The following USP34 variants were observed in gnomAD, a reference collection of about 807,000 sequenced individuals.
The protein encoded by USP34 is ubiquitin carboxyl-terminal hydrolase 34.
USP34 carries 70 observed loss-of-function variants against 460.3 expected under a neutral mutation model. The observed-to-expected ratio is 0.15, with a 90% CI of 0.13 to 0.19. The LOEUF is 0.19. Ranked by LOEUF, USP34 falls within the 10% of genes least tolerant of loss-of-function variation. The pLI, the probability that USP34 is intolerant of heterozygous loss-of-function variation, is 1.00. For synonymous variants in USP34, 1,647 were observed against 1,405.3 expected, an observed-to-expected ratio of 1.17 and a Z score of -3.85; for missense variants, 3,985 against 4,236.2, an observed-to-expected ratio of 0.94 and a Z score of 1.65.
intron 10 of USP34, among the ~76,000 whole-genome samples, chr2:61,361,343 G>A (rs987260764): frequency 6.6e-6 from 1 of 152,184 alleles, no homozygotes. Flanking sequence ...GATCACCTCA[G>A]TGCAGGAAGT....
At chr2:61,219,876 T>A (rs946591261) in intron 67 of USP34, among the ~76,000 whole-genome samples, 4 of 152,080 alleles carry the variant, frequency 2.6e-5, no homozygotes, top group African/African-American at 9.7e-5. Context: ...GAAATATTTT[T>A]GATATGTGTC....
At position 61,228,972 on chromosome 2, in the gene USP34, A is replaced by G. The variant is rs771760013; in HGVS notation, c.7223T>C (p.Val2408Ala). The G allele has an allele frequency of 1.0e-5, 16 of 1,599,198 alleles. No homozygotes were observed. The highest frequency in any genetic ancestry group is 1.4e-5 in the Non-Finnish European group (16 of 1,173,024). The change falls in exon 60 of 80, where the codon GTA becomes GCA. Residue 2408 changes from valine to alanine, a missense_variant. This residue lies in a region of USP34 where 604 missense variants were observed against 684.8 expected (regional missense o/e 0.88). Coordinates refer to ENST00000398571, the MANE Select transcript of USP34 (RefSeq NM_014709.4). ...ACATGAACGACCACCAATATCTTCT[A>G]CTGAGGTATCCATATCATCTGACCT... ...EDGSDDMDTS[V>A]EDIGGRSCVT...
intron 1 of USP34, among the ~76,000 whole-genome samples, chr2:61,446,992 T>C (rs1254338532): frequency 6.6e-6 from 1 of 152,048 alleles, no homozygotes; most frequent in Non-Finnish European, 1.5e-5. Flanking sequence ...TGGTGGCTCA[T>C]GCCTGTAATC....
chr2:61,418,149 A>G (rs1056846492), intron 2 of USP34, among the ~76,000 whole-genome samples: 1 of 151,364 alleles, frequency 6.6e-6, no homozygotes, highest in African/African-American at 2.4e-5. Context: ...CACAAATCTC[A>G]GCTCACTGCA....
intron 53 of USP34, among the ~76,000 whole-genome samples, chr2:61,238,509 A>G (rs993724084): frequency 6.6e-6 from 1 of 152,284 alleles, no homozygotes; most frequent in Admixed American, 6.5e-5. Flanking sequence ...ATTACAATTT[A>G]TAATTAGTTT....
intron 5 of USP34, among the ~76,000 whole-genome samples, chr2:61,394,087 C>G (rs929607025): frequency 6.6e-6 from 1 of 152,030 alleles, no homozygotes; most frequent in Non-Finnish European, 1.5e-5. Context: ...CACCACTGCA[C>G]TCCAGCCTGG....
chr2:61,285,255 C>G (rs925290592), intron 34 of USP34, among the ~76,000 whole-genome samples: 1 of 151,892 alleles, frequency 6.6e-6, no homozygotes, highest in Non-Finnish European at 1.5e-5. Context: ...TAGGGAGGCT[C>G]AGGTGGGTGG....
intron 2 of USP34, among the ~76,000 whole-genome samples, chr2:61,419,808 T>C (rs1175431532): frequency 6.6e-6 from 1 of 152,190 alleles, no homozygotes; most frequent in African/African-American, 2.4e-5. Context: ...CATATTAGTA[T>C]TATGCAATAT....
intron 1 of USP34, among the ~76,000 whole-genome samples, chr2:61,443,596 T>C (rs2252662): frequency 0.61 from 92,174 of 151,964 alleles, 28,024 homozygotes; most frequent in Middle Eastern, 0.68. Context: ...ACTGTATGAT[T>C]TCAACTATGT....
intron 5 of USP34, 129 bp downstream of exon 5, chr2:61,394,724 T>C (rs896800188): frequency 1.6e-6 from 1 of 639,766 alleles, no homozygotes; most frequent in African/African-American, 1.9e-5. Flanking sequence ...TCTGTACTCA[T>C]TTTGTCAAAA....
At position 61,236,208 on chromosome 2, in the gene USP34, G is replaced by A; in HGVS notation, c.6871C>T (p.Pro2291Ser). 2.5e-6 allele frequency: 4 copies of A among 1,611,776 alleles called. No homozygotes were observed. Among genetic ancestry groups the A allele is most frequent in the Non-Finnish European group, 3.4e-6 (4 of 1,179,130 alleles). Residue 2291 changes from proline (P) to serine (S), a missense_variant, in exon 55 of 80, where the codon CCC becomes TCC. By Grantham distance (74) the Pro-to-Ser change is moderately conservative. Transcript: ENST00000398571. ...GCTTTAGGATCTGGTAATGTACTGG[G>A]AATACAACTACACAATTGCCACATA... ...GFMWQLCSCI[P>S]STLPDPKAVS...
At chr2:61,384,137 A>G (rs7576805) in intron 5 of USP34, among the ~76,000 whole-genome samples, 2,306 of 152,322 alleles carry the variant, frequency 0.015, 75 homozygotes, top group African/African-American at 0.052. Flanking sequence ...ACTGATTACA[A>G]TATCAACAAG....
intron 27 of USP34, among the ~76,000 whole-genome samples, chr2:61,305,294 G>A (rs1690367728): frequency 6.6e-6 from 1 of 151,790 alleles, no homozygotes; most frequent in African/African-American, 2.4e-5. Context: ...CTGCACTCCA[G>A]CCTGGGCAAC....
chr2:61,217,399 C>T (rs1281790656), intron 67 of USP34, among the ~76,000 whole-genome samples: 1 of 152,028 alleles, frequency 6.6e-6, no homozygotes, highest in Non-Finnish European at 1.5e-5. Flanking sequence ...AGGAGTATTC[C>T]TATGAAGCTT....
At chr2:61,400,890 G>A (rs1238821065) in intron 3 of USP34, among the ~76,000 whole-genome samples, 7 of 151,956 alleles carry the variant, frequency 4.6e-5, no homozygotes, top group Admixed American at 6.6e-5. Flanking sequence ...GGTAGCTTAC[G>A]CCTGTAATCC....
At chr2:61,408,675 C>T (rs981308629) in intron 2 of USP34, among the ~76,000 whole-genome samples, 2 of 151,704 alleles carry the variant, frequency 1.3e-5, no homozygotes, top group African/African-American at 2.4e-5. Context: ...GCAAGCAGAT[C>T]ACTTAAGGTC....
At chr2:61,220,151 T>TAAAAAA (rs60784334) in intron 67 of USP34, 159 bp downstream of exon 67, 34 of 169,428 alleles carry the variant, frequency 2.0e-4, no homozygotes, top group Non-Finnish European at 2.7e-4. Context: ...TTTCCTATCC[T>TAAAAAA]AAAAAAAAAA....
chr2:61,293,266 A>G (rs1224187793), intron 33 of USP34, among the ~76,000 whole-genome samples, 198 bp downstream of exon 33: 4 of 152,304 alleles, frequency 2.6e-5, no homozygotes, highest in Non-Finnish European at 4.4e-5. Context: ...TTTTATCAGA[A>G]GAATTTTTTA....
intron 18 of USP34, among the ~76,000 whole-genome samples, chr2:61,336,974 C>A (rs541069687): frequency 1.3e-5 from 2 of 152,104 alleles, no homozygotes; most frequent in African/African-American, 4.8e-5. Flanking sequence ...GAAAATAGGA[C>A]CCTTAATGGC....
Sources: gnomAD v4.1 joint callset for allele counts (sites outside exome capture counted in the v4.1 genomes callset) on GRCh38, gnomAD v4.1.1 for gene constraint, gnomAD v4.1.1 regional missense constraint, MANE v1.5 for transcripts, NCBI Gene and HGNC (gene_info 2026-07-23, HGNC 2026-07-21) for gene names.